CDH13: variants seen among roughly 807,000 people sequenced by gnomAD.
CDH13 encodes cadherin-13.
A neutral mutation model predicts 63.8 loss-of-function variants in CDH13; 24 were observed. That is an observed-to-expected ratio of 0.38 (90% confidence interval 0.27 to 0.53). The LOEUF is 0.53. CDH13 is among the 20% of genes least tolerant of loss of function. The pLI is 0.85. For missense variants in CDH13, 1,049 were observed against 903.1 expected, an observed-to-expected ratio of 1.16 and a Z score of -2.07; for synonymous variants, 503 against 355.3, an observed-to-expected ratio of 1.42 and a Z score of -4.67.
intron 1 of CDH13, among the ~76,000 whole-genome samples, chr16:82,848,679 A>G (rs563014317): frequency 5.9e-5 from 9 of 151,804 alleles, no homozygotes; most frequent in African/African-American, 2.2e-4. Context: ...CCCTTTACTC[A>G]TCTGTCTCCT....
At chr16:82,690,018 A>AAAAT (rs1915481981) in intron 1 of CDH13, among the ~76,000 whole-genome samples, 1 of 145,112 alleles carries the variant, frequency 6.9e-6, no homozygotes, top group Non-Finnish European at 1.5e-5. Context: ...AAAAAAAAAA[A>AAAAT]TTAGCCAGGC....
chr16:82,733,491 T>G (rs193165422), intron 1 of CDH13, among the ~76,000 whole-genome samples: 1 of 152,004 alleles, frequency 6.6e-6, no homozygotes, highest in African/African-American at 2.4e-5. Flanking sequence ...AGGGAAAGAG[T>G]TCATGATTTG....
chr16:83,729,711 G>A (rs1048916416), intron 10 of CDH13, among the ~76,000 whole-genome samples: 1 of 152,318 alleles, frequency 6.6e-6, no homozygotes, highest in Admixed American at 6.5e-5. Flanking sequence ...CATGTAAAGT[G>A]CTTGGAAATT....
At chr16:83,783,629 T>G (rs1915684031) in intron 13 of CDH13, among the ~76,000 whole-genome samples, 157 bp downstream of exon 13, 1 of 152,216 alleles carries the variant, frequency 6.6e-6, no homozygotes, top group South Asian at 2.1e-4. Flanking sequence ...ATGTTATATG[T>G]AAAAGTGCTC....
At chr16:83,290,249 G>C (rs142075276) in intron 5 of CDH13, among the ~76,000 whole-genome samples, 1,954 of 152,250 alleles carry the variant, frequency 0.013, 15 homozygotes, top group Middle Eastern at 0.037. Flanking sequence ...CCCTAACTGG[G>C]ATCTCTTTTC....
At chr16:83,420,504 A>G (rs956175494) in intron 6 of CDH13, among the ~76,000 whole-genome samples, 4 of 152,232 alleles carry the variant, frequency 2.6e-5, no homozygotes, top group African/African-American at 9.6e-5. Flanking sequence ...GTAATAGTTC[A>G]TTGCACAAGC....
At chr16:83,676,329 T>A (rs1175729191) in intron 9 of CDH13, among the ~76,000 whole-genome samples, 1 of 152,116 alleles carries the variant, frequency 6.6e-6, no homozygotes, top group African/African-American at 2.4e-5. Context: ...GGGGTGGAAA[T>A]GGCCCTTGGG....
intron 7 of CDH13, among the ~76,000 whole-genome samples, chr16:83,562,644 C>T (rs1478415353): frequency 6.6e-6 from 1 of 152,176 alleles, no homozygotes; most frequent in Admixed American, 6.5e-5. Flanking sequence ...GAACCTTCAA[C>T]CTTCATGCCA....
At chr16:82,765,290 C>A (rs2035012475) in intron 1 of CDH13, among the ~76,000 whole-genome samples, 1 of 152,182 alleles carries the variant, frequency 6.6e-6, no homozygotes, top group Non-Finnish European at 1.5e-5. Context: ...ACTATAAGCC[C>A]TTCTACAGCA....
chr16:82,645,701 C>T (rs1282996012), intron 1 of CDH13, among the ~76,000 whole-genome samples: 1 of 152,172 alleles, frequency 6.6e-6, no homozygotes, highest in African/African-American at 2.4e-5. Context: ...AGGCTGGAAT[C>T]TGAAGCTGGG....
In CDH13 at chr16:83,086,342, C is replaced by T. The variant is rs1038096329; in HGVS notation, c.367-39043C>T. Reference sequence around the variant, plus strand: ...CAATTCCAGATCTACCATTTATAAGCTGTGTGTTTTTGGGTAAGGTACTCT... The same window carrying T: ...CAATTCCAGATCTACCATTTATAAGTTGTGTGTTTTTGGGTAAGGTACTCT... On this transcript the variant is annotated intron_variant, in intron 3 of 13. Transcript: ENST00000567109. Among the ~76,000 whole-genome samples, 17 of 152,170 alleles carry T rather than the reference C, an allele frequency of 1.1e-4. 1 individual carries two copies. The highest frequency in any genetic ancestry group is 4.1e-4 in the African/African-American group (17 of 41,448).
At chr16:82,883,563 G>T (rs1000248370) in intron 2 of CDH13, among the ~76,000 whole-genome samples, 8 of 152,314 alleles carry the variant, frequency 5.3e-5, no homozygotes, top group Admixed American at 1.3e-4. Context: ...CCCATGCTTT[G>T]TCTCCTGTTA....
At chr16:83,526,484 C>T (rs1417718041) in intron 7 of CDH13, among the ~76,000 whole-genome samples, 1 of 152,128 alleles carries the variant, frequency 6.6e-6, no homozygotes, top group African/African-American at 2.4e-5. Context: ...CCCTTGCATG[C>T]ACAGTTCACA....
At chr16:83,297,681 C>T (rs1031728903) in intron 5 of CDH13, among the ~76,000 whole-genome samples, 1 of 152,052 alleles carries the variant, frequency 6.6e-6, no homozygotes, top group Non-Finnish European at 1.5e-5. Flanking sequence ...TTCAACCAGT[C>T]AAGGAGATTT....
At chr16:82,745,684 G>T (rs2034130589) in intron 1 of CDH13, among the ~76,000 whole-genome samples, 1 of 152,058 alleles carries the variant, frequency 6.6e-6, no homozygotes, top group South Asian at 2.1e-4. Context: ...TCTCCCTTAG[G>T]TATAAGCCTT....
In CDH13 at chr16:83,433,096, C is replaced by T. The variant is rs1260428271; in HGVS notation, c.782-53381C>T. Reference sequence around the variant, plus strand: ...CTGGGGAATGAGAGGCACAGAGAAGCCATCAGCAGGTGTTTACTGAGCACC... The same window carrying T: ...CTGGGGAATGAGAGGCACAGAGAAGTCATCAGCAGGTGTTTACTGAGCACC... On this transcript the variant is annotated intron_variant, in intron 6 of 13. Coordinates refer to ENST00000567109, the MANE Select transcript of CDH13 (RefSeq NM_001257.5). Among the ~76,000 whole-genome samples, 3 of 152,130 alleles carry T rather than the reference C, an allele frequency of 2.0e-5. No homozygotes were observed. In the South Asian group the frequency reaches 6.2e-4, roughly 32 times the overall value.
chr16:82,658,998 TC>T (rs1432637054), intron 1 of CDH13, among the ~76,000 whole-genome samples: 1 of 152,134 alleles, frequency 6.6e-6, no homozygotes, highest in East Asian at 1.9e-4. Flanking sequence ...CTGACTCTAA[TC>T]CCCTCCTGGC....
rs181129021 is a variant in CDH13 at position 82,758,560 on chromosome 16, A to T, written c.46-99802A>T. ...GAGCTGTGCATTAGACAGCTTATAG[A>T]TGGGTGCTCTTAGGTCACATGTTCC... On this transcript the variant is annotated intron_variant, in intron 1 of 13. Transcript: ENST00000567109. Among the ~76,000 whole-genome samples the T allele has an allele frequency of 2.8e-3, 422 of 152,200 alleles. 2 individuals are homozygous for T. The highest frequency in any genetic ancestry group is 4.5e-3 in the Non-Finnish European group (309 of 68,006).
intron 7 of CDH13, among the ~76,000 whole-genome samples, chr16:83,495,333 G>T (rs1390886670): frequency 6.6e-6 from 1 of 152,162 alleles, no homozygotes; most frequent in Non-Finnish European, 1.5e-5. Flanking sequence ...ATTTTGTTTG[G>T]CAATTGGTTG....
Sources: gnomAD v4.1 joint callset for allele counts (sites outside exome capture counted in the v4.1 genomes callset) on GRCh38, gnomAD v4.1.1 for gene constraint, MANE v1.5 for transcripts, NCBI Gene and HGNC (gene_info 2026-07-23, HGNC 2026-07-21) for gene names.